DIS3: variants seen among roughly 807,000 people sequenced by gnomAD.
DIS3 encodes DIS3 exosome endoribonuclease and 3'-5' exoribonuclease.
A neutral mutation model predicts 113.0 loss-of-function variants in DIS3; 103 were observed. The ratio of observed to expected loss-of-function variants is 0.91; its 90% CI spans 0.78 to 1.07. The LOEUF (loss-of-function observed/expected upper bound fraction) is 1.07. DIS3 is among the 50% of genes least tolerant of loss of function. DIS3 has a pLI of 0.00. For missense variants in DIS3, 1,121 were observed against 1,167.1 expected (o/e 0.96, Z 0.58); for synonymous variants, 402 against 394.3 (o/e 1.02, Z -0.23).
At chr13:72,759,997 G>A (rs964442726) in intron 20 of DIS3, 119 bp from the exon 21 acceptor site, 9 of 778,444 alleles carry the variant, frequency 1.2e-5, no homozygotes, top group African/African-American at 1.7e-5. Flanking sequence ...GTAGGGAGGG[G>A]AAAGGGGGCT....
intron 3 of DIS3, among the ~76,000 whole-genome samples, chr13:72,777,751 CTT>C (rs778838613): frequency 6.9e-5 from 10 of 144,190 alleles, no homozygotes; most frequent in Non-Finnish European, 6.1e-5. Context: ...CCATGCACGG[CTT>C]TTTTTTTTTT....
In DIS3 at chr13:72,755,456, G is replaced by C; in HGVS notation, c.*4339C>G. ...ATAAATATTTTTATACTTACATTGA[G>C]TGATGTGTTTAACAACAAATTGTGA... On this transcript the variant is annotated 3_prime_UTR_variant, in exon 21 of 21. Coordinates refer to ENST00000377767, the MANE Select transcript of DIS3 (RefSeq NM_014953.5). 1 of 483,432 alleles carries C rather than the reference G, an allele frequency of 2.1e-6. No homozygotes were observed. The highest frequency in any genetic ancestry group is 3.7e-6 in the Non-Finnish European group (1 of 273,874). The allele number at this position is 483,432 out of a possible 1,614,324, so 29.9% of individuals were successfully genotyped here.
intron 14 of DIS3, among the ~76,000 whole-genome samples, chr13:72,766,855 A>G (rs1219704259): frequency 6.6e-6 from 1 of 152,192 alleles, no homozygotes; most frequent in Non-Finnish European, 1.5e-5. Flanking sequence ...GAAAAATTAA[A>G]ATAAGATGGA....
In DIS3 at chr13:72,753,784, G is replaced by A; in HGVS notation, c.*6011C>T. The A allele has an allele frequency of 2.5e-6, 4 of 1,613,418 alleles. No individual in the cohort carries two copies. The highest frequency in any genetic ancestry group is 3.4e-6 in the Non-Finnish European group (4 of 1,179,518). On this transcript the variant is annotated 3_prime_UTR_variant, in exon 21 of 21. Transcript: ENST00000377767. Reference sequence around the variant, plus strand: ...TGCAAAGAAAGTGATGCACAAACATGTGAAGTTGAGAGTAAATCTCAAGCA... The same window carrying A: ...TGCAAAGAAAGTGATGCACAAACATATGAAGTTGAGAGTAAATCTCAAGCA...
chr13:72,765,216 T>C (rs2033716836), intron 15 of DIS3, among the ~76,000 whole-genome samples: 1 of 152,084 alleles, frequency 6.6e-6, no homozygotes. Context: ...ATGAGGTAGG[T>C]GCCATTATCA....
At position 72,752,695 on chromosome 13, in the gene DIS3, A is replaced by T. The variant is rs1476156463; in HGVS notation, c.*7100T>A. 7.2e-5 allele frequency: 11 copies of T among 152,208 alleles called. No homozygotes were observed. Among genetic ancestry groups the T allele is most frequent in the Admixed American group, 6.5e-5 (1 of 15,288 alleles). 9.4% of individuals were successfully genotyped at this position (152,208 alleles called of 1,614,324 possible). On this transcript the variant is annotated 3_prime_UTR_variant, in exon 21 of 21. Coordinates refer to ENST00000377767, the MANE Select transcript of DIS3 (RefSeq NM_014953.5). Reference sequence around the variant, plus strand: ...TTACACATCACAAGGCTTTTGTTCTAATTGGAACATGACCTCTAGTAGTAA... The same window carrying T: ...TTACACATCACAAGGCTTTTGTTCTTATTGGAACATGACCTCTAGTAGTAA...
Position 72,756,966 on chromosome 13 carries a change from A to C in DIS3, c.*2829T>G, listed in dbSNP as rs923758486. ...AAATGGAGATAACAGTCCTGGCTTAACAGGGCTTTTTGAGTTAAGTGATAT... is the reference window on the plus strand; with the variant it reads ...AAATGGAGATAACAGTCCTGGCTTACCAGGGCTTTTTGAGTTAAGTGATAT... On this transcript the variant is annotated 3_prime_UTR_variant, in exon 21 of 21. Transcript: ENST00000377767. 1 of 152,184 alleles carries C rather than the reference A, an allele frequency of 6.6e-6. No individual in the cohort carries two copies. The highest frequency in any genetic ancestry group is 1.5e-5 in the Non-Finnish European group (1 of 68,026). 9.4% of individuals were successfully genotyped at this position (152,184 alleles called of 1,614,324 possible).
intron 4 of DIS3, 95 bp downstream of exon 4, chr13:72,777,325 G>A (rs897864788): frequency 1.9e-5 from 23 of 1,202,620 alleles, no homozygotes; most frequent in African/African-American, 3.1e-5. Context: ...CTTACCCACC[G>A]ACATTCCAAT....
intron 7 of DIS3, 29 bp from the exon 8 acceptor site, chr13:72,773,850 C>T (rs765311188): frequency 1.9e-6 from 3 of 1,595,516 alleles, no homozygotes; most frequent in African/African-American, 1.4e-5. Flanking sequence ...AAAGATTTTA[C>T]ACAAAAAAAA....
intron 5 of DIS3, 111 bp downstream of exon 5, chr13:72,775,809 GCTTTA>G (rs1282629870): frequency 3.5e-5 from 31 of 897,026 alleles, no homozygotes; most frequent in Non-Finnish European, 4.9e-5. Flanking sequence ...GTTACTATTT[GCTTTA>G]AAGTATGTGA....
intron 13 of DIS3, among the ~76,000 whole-genome samples, chr13:72,770,426 T>TTCAA (rs1280151258): frequency 6.6e-6 from 1 of 152,170 alleles, no homozygotes. Flanking sequence ...ACTTTACATG[T>TTCAA]TCAAAAGAGC....
In DIS3 at chr13:72,760,645, A is replaced by T. The variant is rs770697185; in HGVS notation, c.2677T>A (p.Ser893Thr). 6.2e-7 allele frequency: 1 copy of T among 1,612,416 alleles called. No homozygotes were observed. The highest frequency in any genetic ancestry group is 1.1e-5 in the South Asian group (1 of 90,926). The change falls in exon 20 of 21, where the codon TCA becomes ACA. Residue 893 changes from serine (S) to threonine (T), a missense_variant. Transcript: ENST00000377767. ...AACACTGTATCTTCTATTTTAAGTG[A>T]GGGTATCTAAACAAAACACATTTTA... Reference protein sequence around the residue: ...PQLIYDDEIPSLKIEDTVFHV... With the variant: ...PQLIYDDEIPTLKIEDTVFHV...
At chr13:72,767,230 C>A (rs921632053) in intron 14 of DIS3, among the ~76,000 whole-genome samples, 9 of 152,102 alleles carry the variant, frequency 5.9e-5, no homozygotes, top group African/African-American at 1.4e-4. Flanking sequence ...CAGGAGGCAA[C>A]CATCTACTTA....
intron 5 of DIS3, 59 bp from the exon 6 acceptor site, chr13:72,775,434 G>A (rs1454241619): frequency 3.3e-6 from 5 of 1,496,152 alleles, no homozygotes; most frequent in South Asian, 1.4e-5. Context: ...TATAATAAAG[G>A]GAAGATCATC....
Position 72,774,048 on chromosome 13 carries a change from A to G in DIS3, c.999T>C (p.Ala333=). ...EEETERMLKT[A]VSEKMLKPTG... ...TAGGCTTCAACATTTTCTCGCTTACAGCAGTCTTAAGCTGAGATATAAAAA... is the reference window on the plus strand; with the variant it reads ...TAGGCTTCAACATTTTCTCGCTTACGGCAGTCTTAAGCTGAGATATAAAAA... Residue 333 remains alanine, a synonymous_variant, in exon 7 of 21, where the codon GCT becomes GCC. Coordinates refer to ENST00000377767, the MANE Select transcript of DIS3 (RefSeq NM_014953.5). The G allele has an allele frequency of 6.3e-7, 1 of 1,590,142 alleles. No homozygotes were observed. The highest frequency in any genetic ancestry group is 1.2e-5 in the South Asian group (1 of 86,636).
intron 9 of DIS3, 94 bp downstream of exon 9, chr13:72,772,598 TG>T: frequency 7.6e-7 from 1 of 1,308,752 alleles, no homozygotes; most frequent in Non-Finnish European, 1.0e-6. Flanking sequence ...AGAGGGCCCG[TG>T]GTGTCTACAT....
Position 72,754,025 on chromosome 13 carries a change from A to G in DIS3, c.*5770T>C. On this transcript the variant is annotated 3_prime_UTR_variant, in exon 21 of 21. Coordinates refer to ENST00000377767, the MANE Select transcript of DIS3 (RefSeq NM_014953.5). ...ATCTTACATACTACAAAGTGTGCAA[A>G]GGTAGCGTGTATTTGATGAGGGCAT... 1 of 493,732 alleles carries G rather than the reference A, an allele frequency of 2.0e-6. No individual in the cohort carries two copies. The highest frequency in any genetic ancestry group is 3.5e-6 in the Non-Finnish European group (1 of 286,504). 30.6% of individuals were successfully genotyped at this position (493,732 alleles called of 1,614,324 possible). A position where few individuals can be genotyped will look rare whatever the true frequency, so the allele number is the denominator to read the frequency against.
intron 1 of DIS3, 41 bp from the exon 2 acceptor site, chr13:72,781,044 T>TA: frequency 1.9e-6 from 3 of 1,550,986 alleles, no homozygotes; most frequent in Non-Finnish European, 2.6e-6. Flanking sequence ...TATTCATTTG[T>TA]AAATAGCTCT....
intron 8 of DIS3, 30 bp from the exon 9 acceptor site, chr13:72,772,869 C>T: frequency 1.3e-6 from 2 of 1,556,258 alleles, no homozygotes; most frequent in South Asian, 2.4e-5. Context: ...TTAGAAACGC[C>T]TATTTTATAG....
Sources: gnomAD v4.1 joint callset for allele counts (sites outside exome capture counted in the v4.1 genomes callset) on GRCh38, gnomAD v4.1.1 for gene constraint, MANE v1.5 for transcripts, NCBI Gene and HGNC (gene_info 2026-07-23, HGNC 2026-07-21) for gene names.